KLF17: variants seen among roughly 807,000 people sequenced by gnomAD.
The protein encoded by KLF17 is KLF transcription factor 17.
In KLF17, 31 loss-of-function variants were observed where a neutral mutation model predicts 34.2. The ratio of observed to expected loss-of-function variants is 0.91; its 90% CI spans 0.68 to 1.22. The LOEUF is 1.22. Ranked by LOEUF, KLF17 falls within the 50% of genes most tolerant of loss-of-function variation. The pLI is 0.00. For missense variants in KLF17, 478 were observed against 505.2 expected, an observed-to-expected ratio of 0.95 and a Z score of 0.52; for synonymous variants, 179 against 186.7, an observed-to-expected ratio of 0.96 and a Z score of 0.34.
chr1:44,096,404 C>CTTT, the KLF17 span, among the ~76,000 whole-genome samples: 6 of 144,346 alleles, frequency 4.2e-5, 1 homozygote, highest in African/African-American at 5.1e-5. Flanking sequence ...ATTTATTTTT[C>CTTT]TTTTTTTTTT....
In KLF17 at chr1:44,135,004, C is replaced by T. The variant is rs1047506268; in HGVS notation, c.*1767C>T. On this transcript the variant is annotated 3_prime_UTR_variant, in exon 4 of 4. Coordinates refer to ENST00000372299, the MANE Select transcript of KLF17 (RefSeq NM_173484.4). ...TATATATCCAATTTAATAATAAATG[C>T]ACTCATGTTAGGAAGGTCAAAAAAA... 1.3e-5 allele frequency: 2 copies of T among 151,594 alleles called. No individual in the cohort carries two copies. The highest frequency in any genetic ancestry group is 4.8e-5 in the African/African-American group (2 of 41,242). The allele number at this position is 151,594 out of a possible 1,614,324, so 9.4% of individuals were successfully genotyped here.
the KLF17 span, among the ~76,000 whole-genome samples, chr1:44,061,888 A>G: frequency 6.6e-6 from 1 of 152,168 alleles, no homozygotes; most frequent in African/African-American, 2.4e-5. Context: ...ACAGCACTCT[A>G]GCCTGGGTGA....
the KLF17 span, among the ~76,000 whole-genome samples, chr1:44,059,043 C>A: frequency 6.6e-6 from 1 of 152,238 alleles, no homozygotes; most frequent in African/African-American, 2.4e-5. Context: ...GTTGAGTACA[C>A]CTACGGCTGT....
the KLF17 span, among the ~76,000 whole-genome samples, chr1:44,052,467 C>T: frequency 1.3e-5 from 2 of 152,212 alleles, no homozygotes; most frequent in African/African-American, 2.4e-5. Flanking sequence ...GTGAGGGCCC[C>T]TGAGGTCTCC....
chr1:44,048,890 G>A, the KLF17 span, among the ~76,000 whole-genome samples: 3 of 152,156 alleles, frequency 2.0e-5, no homozygotes, highest in Admixed American at 6.5e-5. Flanking sequence ...TAAATCATTC[G>A]TGCAGAAAAA....
chr1:44,112,383 CT>C, the KLF17 span, among the ~76,000 whole-genome samples: 535 of 146,928 alleles, frequency 3.6e-3, 4 homozygotes, highest in Non-Finnish European at 5.4e-3. Context: ...CCAATGTTTT[CT>C]TTTTCTTTCT....
At chr1:44,080,054 G>C in the KLF17 span, among the ~76,000 whole-genome samples, 1 of 151,382 alleles carries the variant, frequency 6.6e-6, no homozygotes, top group Admixed American at 6.6e-5. Flanking sequence ...TCAGCCTCCT[G>C]AGTAGATGGG....
the KLF17 span, chr1:44,103,277 G>C: frequency 2.8e-6 from 2 of 704,560 alleles, no homozygotes; most frequent in African/African-American, 1.7e-5. Context: ...CCGCAGGAGG[G>C]GCAGGCTGGG....
the KLF17 span, chr1:44,104,219 CT>C: frequency 7.2e-6 from 8 of 1,112,784 alleles, no homozygotes; most frequent in Admixed American, 1.7e-5. Flanking sequence ...TCTCTGTACG[CT>C]TATTGATCTC....
the KLF17 span, among the ~76,000 whole-genome samples, chr1:44,107,398 C>G: frequency 1.3e-5 from 2 of 152,186 alleles, no homozygotes; most frequent in Admixed American, 1.3e-4. Context: ...AGCCACCGCG[C>G]CTGGCTGAGA....
At chr1:44,104,419 G>C in the KLF17 span, 1 of 895,024 alleles carries the variant, frequency 1.1e-6, no homozygotes, top group Non-Finnish European at 1.9e-6. Context: ...TTCGTCTCCT[G>C]AATCTTGTTC....
chr1:44,127,630 TTTTCTTTCC>T lies in KLF17; in HGVS notation c.82-1720_82-1712del, dbSNP rs1208352584. On this transcript the variant is annotated intron_variant, in intron 1 of 3. Coordinates refer to ENST00000372299, the MANE Select transcript of KLF17 (RefSeq NM_173484.4). Reference sequence around the variant, plus strand: ...TCTTTCTTTCTTTTCTTTTCTTTTCTTTTCTTTCCTTCTTTCTTTCTTTCTTTCTTTCTT... The same window carrying T: ...TCTTTCTTTCTTTTCTTTTCTTTTCTTTCTTTCTTTCTTTCTTTCTTTCTT... Among the ~76,000 whole-genome samples, 279 of 45,990 alleles carry T rather than the reference TTTTCTTTCC, an allele frequency of 6.1e-3. 4 individuals carry two copies. The highest frequency in any genetic ancestry group is 0.016 in the African/African-American group (226 of 14,106). The allele number at this position is 45,990 out of a possible 152,430, so 30.2% of individuals were successfully genotyped here.
chr1:44,053,822 A>C, the KLF17 span, among the ~76,000 whole-genome samples: 11 of 152,284 alleles, frequency 7.2e-5, no homozygotes, highest in Non-Finnish European at 1.5e-4. Flanking sequence ...ATTACTATCC[A>C]CTTGTTGTAC....
the KLF17 span, chr1:44,050,877 A>G: frequency 6.6e-6 from 1 of 152,204 alleles, no homozygotes; most frequent in Non-Finnish European, 1.5e-5. Flanking sequence ...AGATCGCACC[A>G]TTACACCCCA....
chr1:44,081,570 C>G, the KLF17 span, among the ~76,000 whole-genome samples: 16 of 151,948 alleles, frequency 1.1e-4, no homozygotes, highest in African/African-American at 3.4e-4. Context: ...TGCCCACCCC[C>G]GCACCTGTCT....
chr1:44,049,165 G>A, the KLF17 span, among the ~76,000 whole-genome samples: 1 of 152,148 alleles, frequency 6.6e-6, no homozygotes, highest in Non-Finnish European at 1.5e-5. Flanking sequence ...GAGAGAGCAT[G>A]AGCAAGCTCT....
At chr1:44,106,425 C>T in the KLF17 span, 1 of 152,264 alleles carries the variant, frequency 6.6e-6, no homozygotes, top group Non-Finnish European at 1.5e-5. Context: ...CCATCCTATC[C>T]CCACTATACC....
At chr1:44,099,826 GA>G in the KLF17 span, among the ~76,000 whole-genome samples, 1 of 52,382 alleles carries the variant, frequency 1.9e-5, no homozygotes, top group Non-Finnish European at 3.6e-5. Flanking sequence ...GAAAGAAAAA[GA>G]AGAAAGAAAG....
the KLF17 span, among the ~76,000 whole-genome samples, chr1:44,075,381 C>T: frequency 1.8e-4 from 27 of 152,168 alleles, no homozygotes; most frequent in East Asian, 7.7e-4. Flanking sequence ...AAAATCACAA[C>T]GCATGTGGTT....
Sources: gnomAD v4.1 joint callset for allele counts (sites outside exome capture counted in the v4.1 genomes callset) on GRCh38, gnomAD v4.1.1 for gene constraint, MANE v1.5 for transcripts, NCBI Gene and HGNC (gene_info 2026-07-23, HGNC 2026-07-21) for gene names.